The following PCDHA10 variants were observed in gnomAD, a reference collection of about 807,000 sequenced individuals.
The protein encoded by PCDHA10 is protocadherin alpha-10.
Under a neutral mutation model 61.2 loss-of-function variants are expected in PCDHA10, and 45 were observed. The observed-to-expected ratio is 0.74, with a 90% CI of 0.58 to 0.94. The LOEUF is 0.94. Ranked by LOEUF, PCDHA10 falls within the 40% of genes least tolerant of loss-of-function variation. The pLI is 0.00. For synonymous variants in PCDHA10, 602 were observed against 548.8 expected, an observed-to-expected ratio of 1.10 and a Z score of -1.35; for missense variants, 1,278 against 1,236.2, an observed-to-expected ratio of 1.03 and a Z score of -0.51.
chr5:140,856,140 A>G lies in PCDHA10; in HGVS notation c.92A>G (p.His31Arg), dbSNP rs782672623. Reference sequence around the variant, plus strand: ...TGGGAGGTGGGGAGCGGCCAGCTCCACTACTCAGTCTACGAGGAGGCCAGA... The same window carrying G: ...TGGGAGGTGGGGAGCGGCCAGCTCCGCTACTCAGTCTACGAGGAGGCCAGA... ...AAWEVGSGQL[H>R]YSVYEEARHG... Residue 31 changes from histidine to arginine, a missense_variant, in exon 1 of 4, where the codon CAC becomes CGC. Transcript: ENST00000307360. 4.4e-6 allele frequency: 7 copies of G among 1,598,030 alleles called. 1 individual carries two copies. The African/African-American group carries it at 8.1e-5, about 18-fold the overall frequency.
chr5:140,856,204 G>A lies in PCDHA10; in HGVS notation c.156G>A (p.Gly52=), dbSNP rs782220766. The part of the protein sequence containing the change: ...TFVGRIAQDL[G]LELAELVQRL... Reference sequence around the variant, plus strand: ...TGGGCCGCATCGCGCAGGACCTGGGGCTGGAGCTGGCGGAGCTGGTGCAGC... The same window carrying A: ...TGGGCCGCATCGCGCAGGACCTGGGACTGGAGCTGGCGGAGCTGGTGCAGC... Residue 52 remains glycine, a synonymous_variant, in exon 1 of 4, where the codon GGG becomes GGA. Transcript: ENST00000307360. 2 of 1,598,000 alleles carry A rather than the reference G, an allele frequency of 1.3e-6. No individual in the cohort carries two copies. The highest frequency in any genetic ancestry group is 2.7e-5 in the African/African-American group (2 of 74,310).
chr5:140,892,580 A>C (rs1462175198), intron 1 of PCDHA10, among the ~76,000 whole-genome samples: 2 of 152,198 alleles, frequency 1.3e-5, no homozygotes, highest in Admixed American at 1.3e-4. Context: ...AGTATATCTC[A>C]GTATTCATTC....
rs114294981 is a variant in PCDHA10, at chr5:140,997,261, C to T, written c.2537-12366C>T. On this transcript the variant is annotated intron_variant, in intron 3 of 3. Transcript: ENST00000307360. ...CATGTTTACTTTAGGGTTCACTCTT[C>T]CAAATATTTCTTGCATCACTTAACA... Among the ~76,000 whole-genome samples, 265 of 152,266 alleles carry T rather than the reference C, an allele frequency of 1.7e-3. 1 individual carries two copies. The highest frequency in any genetic ancestry group is 6.2e-3 in the African/African-American group (257 of 41,540).
intron 1 of PCDHA10, among the ~76,000 whole-genome samples, chr5:140,938,975 C>T (rs1249900927): frequency 6.6e-6 from 1 of 152,188 alleles, no homozygotes; most frequent in African/African-American, 2.4e-5. Flanking sequence ...GGCATCAAGG[C>T]TATCCTGGCT....
In PCDHA10 at chr5:140,857,745, C is replaced by A. The variant is rs782206343; in HGVS notation, c.1697C>A (p.Ala566Glu). ...AACGACAACGCTCCCGCGCTGCTGG[C>A]GTCTCCCGCTGGCAGCGCGGGCGGT... is the stretch of plus-strand genomic sequence containing the variant. ...DENDNAPALL[A>E]SPAGSAGGAV... Residue 566 changes from alanine (A) to glutamate (E), a missense_variant, in exon 1 of 4, where the codon GCG becomes GAG. Ala to Glu is a moderately radical substitution (Grantham distance 107, BLOSUM62 -1). Coordinates refer to ENST00000307360, the MANE Select transcript of PCDHA10 (RefSeq NM_018901.4). 4.6e-5 allele frequency: 73 copies of A among 1,597,310 alleles called. 8 individuals carry two copies. Among genetic ancestry groups the A allele is most frequent in the Non-Finnish European group, 5.8e-5 (68 of 1,167,612 alleles).
chr5:140,899,534 T>A (rs2067388979), intron 1 of PCDHA10, among the ~76,000 whole-genome samples: 1 of 152,234 alleles, frequency 6.6e-6, no homozygotes, highest in Non-Finnish European at 1.5e-5. Context: ...TGAAGCCCAC[T>A]TGATCATGGT....
intron 1 of PCDHA10, among the ~76,000 whole-genome samples, chr5:140,944,057 G>A (rs1394005045): frequency 1.3e-5 from 2 of 152,130 alleles, no homozygotes; most frequent in African/African-American, 4.8e-5. Context: ...GATACAAAAA[G>A]GTTTCTTGTT....
chr5:140,980,699 A>G (rs1183109723), intron 2 of PCDHA10, among the ~76,000 whole-genome samples: 1 of 152,186 alleles, frequency 6.6e-6, no homozygotes, highest in African/African-American at 2.4e-5. Flanking sequence ...AAAAAAGCCA[A>G]ATGTGCTCCT....
At chr5:140,863,601 A>G (rs781889102) in intron 1 of PCDHA10, 1 of 355,024 alleles carries the variant, frequency 2.8e-6, no homozygotes, top group Non-Finnish European at 5.6e-6. Flanking sequence ...TTTCATTCCT[A>G]TTAATGTCCC....
chr5:140,863,242 G>A (rs2047891518), intron 1 of PCDHA10: 3 of 1,345,158 alleles, frequency 2.2e-6, no homozygotes, highest in African/African-American at 2.9e-5. Context: ...GCGGGCTTTG[G>A]CGGGCGTCGA....
In PCDHA10 at chr5:140,968,804, G is replaced by T. The variant is rs147800392; in HGVS notation, c.2389-10145G>T. ...AGCCTCTGTGGCCATTACAGTAGCT[G>T]TGGTGGATAGGGTTTCCAAAATCCT... On this transcript the variant is annotated intron_variant, in intron 1 of 3. Transcript: ENST00000307360. 703 of 1,614,106 alleles carry T rather than the reference G, an allele frequency of 4.4e-4. No homozygotes were observed. The highest frequency in any genetic ancestry group is 5.7e-4 in the Non-Finnish European group (677 of 1,180,052).
At position 140,882,068 on chromosome 5, in the gene PCDHA10, C is replaced by A. The variant is rs1219461637; in HGVS notation, c.2388+23632C>A. 8.4e-6 allele frequency: 7 copies of A among 837,710 alleles called. No homozygotes were observed. The East Asian group carries it at 1.9e-4, about 22-fold the overall frequency. The allele number at this position is 837,710 out of a possible 1,614,324, so 51.9% of individuals were successfully genotyped here. On this transcript the variant is annotated intron_variant, in intron 1 of 3. Coordinates refer to ENST00000307360, the MANE Select transcript of PCDHA10 (RefSeq NM_018901.4). ...TCATACTTACACTTACACGTTCATG[C>A]GCATGGTGTCGCTCTTCACTGAGAA...
intron 1 of PCDHA10, among the ~76,000 whole-genome samples, chr5:140,910,365 A>G (rs1554194228): frequency 6.6e-6 from 1 of 152,164 alleles, no homozygotes; most frequent in Non-Finnish European, 1.5e-5. Flanking sequence ...TATGGTAGCT[A>G]TGCCCACCTT....
rs1019436942 is a variant in PCDHA10, at chr5:140,858,638, T to C, written c.2388+202T>C. On this transcript the variant is annotated intron_variant, in intron 1 of 3. Transcript: ENST00000307360. ...TCCTACCCAGTGTGTCAGCCTTTGATTGGTACTTAAATTTTTTTAAATAAC... is the reference window on the plus strand; with the variant it reads ...TCCTACCCAGTGTGTCAGCCTTTGACTGGTACTTAAATTTTTTTAAATAAC... 30 of 971,874 alleles carry C rather than the reference T, an allele frequency of 3.1e-5. 2 individuals carry two copies. The highest frequency in any genetic ancestry group is 4.0e-5 in the Non-Finnish European group (27 of 675,162). 60.2% of individuals were successfully genotyped at this position (971,874 alleles called of 1,614,324 possible). A position where few individuals can be genotyped will look rare whatever the true frequency, so the allele number is the denominator to read the frequency against.
At chr5:140,934,100 T>C (rs554832439) in intron 1 of PCDHA10, among the ~76,000 whole-genome samples, 3 of 152,280 alleles carry the variant, frequency 2.0e-5, no homozygotes, top group Non-Finnish European at 4.4e-5. Context: ...GTTTGCTTTC[T>C]ATTTTATTAA....
At chr5:140,887,994 C>T (rs1168995086) in intron 1 of PCDHA10, among the ~76,000 whole-genome samples, 1 of 152,016 alleles carries the variant, frequency 6.6e-6, no homozygotes, top group Non-Finnish European at 1.5e-5. Flanking sequence ...ATGTCTCCAC[C>T]GAATAGTCAT....
chr5:140,863,075 C>A (rs546237964), intron 1 of PCDHA10: 2 of 569,532 alleles, frequency 3.5e-6, no homozygotes, highest in South Asian at 1.4e-5. Context: ...GGGCTCTGCA[C>A]GGGCGAGATC....
intron 1 of PCDHA10, among the ~76,000 whole-genome samples, chr5:140,942,875 C>A (rs1003014974): frequency 2.0e-5 from 3 of 151,896 alleles, no homozygotes; most frequent in African/African-American, 7.3e-5. Flanking sequence ...AGCATGACAA[C>A]TTTTTTCCTA....
chr5:140,979,076 C>T, intron 2 of PCDHA10, 69 bp downstream of exon 2: 1 of 1,584,068 alleles, frequency 6.3e-7, no homozygotes, highest in Non-Finnish European at 8.6e-7. Flanking sequence ...AACTGCATCT[C>T]CATAGGCCAG....
Sources: gnomAD v4.1 joint callset for allele counts (sites outside exome capture counted in the v4.1 genomes callset) on GRCh38, gnomAD v4.1.1 for gene constraint, MANE v1.5 for transcripts, NCBI Gene and HGNC (gene_info 2026-07-23, HGNC 2026-07-21) for gene names.